CEACAM3: variants seen among roughly 807,000 people sequenced by gnomAD.
CEACAM3 encodes CEA cell adhesion molecule 3.
CEACAM3 carries 32 observed loss-of-function variants against 30.1 expected under a neutral mutation model. That is an observed-to-expected ratio of 1.06 (90% CI 0.80 to 1.43). CEACAM3 has a LOEUF of 1.43. CEACAM3 is among the 40% of genes most tolerant of loss of function. The pLI, the probability that CEACAM3 is intolerant of heterozygous loss-of-function variation, is 0.00. For missense variants in CEACAM3, 290 were observed against 316.3 expected, an observed-to-expected ratio of 0.92 and a Z score of 0.63; for synonymous variants, 134 against 127.2, an observed-to-expected ratio of 1.05 and a Z score of -0.36.
In CEACAM3 at chr19:41,810,365, C is replaced by A. The variant is rs1555827439; in HGVS notation, c.627+11C>A. 4 of 1,595,352 alleles carry A rather than the reference C, an allele frequency of 2.5e-6. No homozygotes were observed. The highest frequency in any genetic ancestry group is 2.6e-6 in the Non-Finnish European group (3 of 1,171,340). ...AGCTCTGCCTTCTCGGTAAGCCTGT[C>A]CCCTTCCAGCCCCTTTCTACTGGGG... On this transcript the variant is annotated intron_variant, in intron 5 of 6. Transcript: ENST00000357396.
At chr19:41,810,940 G>C in intron 6 of CEACAM3, 43 bp downstream of exon 6, 1 of 1,564,518 alleles carries the variant, frequency 6.4e-7, no homozygotes, top group Admixed American at 1.8e-5. Context: ...AGGCCCCAGG[G>C]GACCCAGGAT....
At chr19:41,797,543 C>A in intron 1 of CEACAM3, 46 bp from the exon 2 acceptor site, 1 of 1,574,270 alleles carries the variant, frequency 6.4e-7, no homozygotes, top group Non-Finnish European at 8.6e-7. Context: ...ATCTTTCCAT[C>A]CCAATACATG....
In CEACAM3 at chr19:41,810,847, A is replaced by G; in HGVS notation, c.643A>G (p.Thr215Ala). 6.2e-7 allele frequency: 1 copy of G among 1,612,790 alleles called. No individual in the cohort carries two copies. Among genetic ancestry groups the G allele is most frequent in the Non-Finnish European group, 8.5e-7 (1 of 1,179,428 alleles). The change falls in exon 6 of 7, where the codon ACT becomes GCT. Residue 215 changes from threonine (T) to alanine (A), a missense_variant. Transcript: ENST00000357396. ...CTGTCCACAGATGTCCCCTCTCTCC[A>G]CTGCCCAGGCCCCCCTACCCAACCC... is the stretch of plus-strand genomic sequence containing the variant. ...SSAFSMSPLSTAQAPLPNPRT... is the reference protein window; with the variant it reads ...SSAFSMSPLSAAQAPLPNPRT...
At chr19:41,809,765 C>T (rs3795022) in intron 3 of CEACAM3, 200 bp from the exon 4 acceptor site, 320,576 of 562,626 alleles carry the variant, frequency 0.57, 96,512 homozygotes, top group Middle Eastern at 0.74. Context: ...GGGTCCTTCC[C>T]CTCTGCTCAG....
rs782059364 is a variant in CEACAM3, at chr19:41,797,947, C to T, written c.423C>T (p.Tyr141=). The T allele has an allele frequency of 1.9e-6, 3 of 1,593,708 alleles. No individual in the cohort carries two copies. Among genetic ancestry groups the T allele is most frequent in the East Asian group, 4.5e-5 (2 of 44,774 alleles). The change falls in exon 2 of 7, where the codon TAC becomes TAT. Residue 141 remains tyrosine (Y), a splice_region_variant and synonymous_variant. Coordinates refer to ENST00000357396, the MANE Select transcript of CEACAM3 (RefSeq NM_001815.5). Reference sequence around the variant, plus strand: ...AAGCAACTGGACAGTTCCATGTATACCGTGAGTATTTCCACATGACCTCTG... The same window carrying T: ...AAGCAACTGGACAGTTCCATGTATATCGTGAGTATTTCCACATGACCTCTG... ...NEEATGQFHV[Y]QENAPGLPVG... is the part of the protein sequence containing the mutation.
intron 2 of CEACAM3, among the ~76,000 whole-genome samples, chr19:41,800,943 C>T (rs1197861040): frequency 6.6e-6 from 1 of 152,062 alleles, no homozygotes; most frequent in African/African-American, 2.4e-5. Context: ...TACACTCTCT[C>T]GTCTCCGCAC....
intron 1 of CEACAM3, 34 bp downstream of exon 1, chr19:41,796,775 A>G (rs376612840): frequency 7.4e-5 from 118 of 1,595,008 alleles, no homozygotes; most frequent in Non-Finnish European, 9.9e-5. Context: ...GGGCAAGAGG[A>G]GGGATCACAG....
Position 41,810,496 on chromosome 19 carries a change from G to A in CEACAM3, c.627+142G>A, listed in dbSNP as rs2073240593. 4.8e-6 allele frequency: 5 copies of A among 1,032,924 alleles called. No individual in the cohort carries two copies. The South Asian group carries it at 5.6e-5, about 12-fold the overall frequency. The allele number at this position is 1,032,924 out of a possible 1,614,324, so 64.0% of individuals were successfully genotyped here. A position where few individuals can be genotyped will look rare whatever the true frequency, so the allele number is the denominator to read the frequency against. ...GACAAGGCTAGCCCTGCCCTGGCCA[G>A]GAGCTGGGCCTCCCTACAGGGTCAG... On this transcript the variant is annotated intron_variant, in intron 5 of 6. Transcript: ENST00000357396.
rs1365737181 is a variant in CEACAM3, at chr19:41,810,412, G to A, written c.627+58G>A. The A allele has an allele frequency of 3.9e-6, 6 of 1,536,206 alleles. No individual in the cohort carries two copies. In the African/African-American group the frequency reaches 4.1e-5, roughly 10 times the overall value. ...GGGGTCCCAGCTGTGCAGGCTCTGG[G>A]CAGAGGGACCATCAGCCCCCCAGCA... is the stretch of plus-strand genomic sequence containing the variant. On this transcript the variant is annotated intron_variant, in intron 5 of 6. Transcript: ENST00000357396.
intron 4 of CEACAM3, 106 bp from the exon 5 acceptor site, chr19:41,810,217 A>G: frequency 6.9e-7 from 1 of 1,444,556 alleles, no homozygotes; most frequent in Non-Finnish European, 9.6e-7. Context: ...CACCTCCCCA[A>G]CCTCAGCTGC....
chr19:41,797,695 T>C lies in CEACAM3; in HGVS notation c.171T>C (p.Asn57=). Residue 57 remains asparagine, a synonymous_variant, in exon 2 of 7, where the codon AAT becomes AAC. Transcript: ENST00000357396. ...EGKEVLLLVH[N]LPQHLFGYSW... is the part of the protein sequence containing the mutation. Reference sequence around the variant, plus strand: ...AGGAGGTGCTTCTACTTGTCCACAATCTGCCCCAGCATCTTTTTGGCTACA... The same window carrying C: ...AGGAGGTGCTTCTACTTGTCCACAACCTGCCCCAGCATCTTTTTGGCTACA... 3 of 1,614,086 alleles carry C rather than the reference T, an allele frequency of 1.9e-6. No homozygotes were observed. The highest frequency in any genetic ancestry group is 2.5e-6 in the Non-Finnish European group (3 of 1,179,996).
intron 2 of CEACAM3, among the ~76,000 whole-genome samples, chr19:41,801,994 C>T (rs1555826053): frequency 6.6e-6 from 1 of 152,152 alleles, no homozygotes; most frequent in African/African-American, 2.4e-5. Flanking sequence ...TTAAACTATA[C>T]ACTGAATTTT....
At chr19:41,796,818 C>A in intron 1 of CEACAM3, 77 bp downstream of exon 1, 1 of 1,479,916 alleles carries the variant, frequency 6.8e-7, no homozygotes, top group Non-Finnish European at 9.1e-7. Context: ...GAGGATGGGG[C>A]TCTGATAGGG....
In CEACAM3 at chr19:41,808,130, A is replaced by T. The variant is rs145722249; in HGVS notation, c.425-683A>T. The stretch of plus-strand genomic sequence containing the variant: ...ATTTCCCAGCCCATGTCTTGGACAC[A>T]AGCAAATCCCAAACTCTACCCTGAG... On this transcript the variant is annotated intron_variant, in intron 2 of 6. Transcript: ENST00000357396. Among the ~76,000 whole-genome samples, 546 of 152,218 alleles carry T rather than the reference A, an allele frequency of 3.6e-3. 9 individuals are homozygous for T. Among genetic ancestry groups the T allele is most frequent in the African/African-American group, 0.012 (517 of 41,514 alleles).
rs1568737711 is a variant in CEACAM3 at position 41,797,816 on chromosome 19, CGA to C, written c.297_298del (p.Glu99AspfsTer17). On this transcript the variant is annotated frameshift_variant, in exon 2 of 7. Transcript: ENST00000357396. LOFTEE classifies it high-confidence loss of function. ...TACCCCAGGGGCCGCATACAGCGGT[CGA>C]GAGACAATATACACCAATGCATCCC... Reference protein sequence around the residue: ...QATPGAAYSGRETIYTNASLL... With the variant: ...QATPGAAYSGXETIYTNASLL... 6.2e-7 allele frequency: 1 copy of C among 1,612,776 alleles called. No homozygotes were observed. The highest frequency in any genetic ancestry group is 2.2e-5 in the East Asian group (1 of 44,884).
chr19:41,797,945 T>C lies in CEACAM3; in HGVS notation c.421T>C (p.Tyr141His). 1 of 1,594,790 alleles carries C rather than the reference T, an allele frequency of 6.3e-7. No individual in the cohort carries two copies. Among genetic ancestry groups the C allele is most frequent in the Non-Finnish European group, 8.5e-7 (1 of 1,170,034 alleles). The change falls in exon 2 of 7, where the codon TAC becomes CAC. Residue 141 changes from tyrosine (Y) to histidine (H), a missense_variant. By Grantham distance (83) the Tyr-to-His change is moderately conservative. Transcript: ENST00000357396. The part of the protein sequence containing the change: ...NEEATGQFHV[Y>H]QENAPGLPVG... ...AGAAGCAACTGGACAGTTCCATGTATACCGTGAGTATTTCCACATGACCTC... is the reference window on the plus strand; with the variant it reads ...AGAAGCAACTGGACAGTTCCATGTACACCGTGAGTATTTCCACATGACCTC...
rs374796334 is a variant in CEACAM3 at position 41,808,893 on chromosome 19, G to T, written c.505G>T (p.Ala169Ser). ...CCTGGTCGGAGTGGCGCTGGTGGCC[G>T]CGCTGGTGTGTTTCCTGCTCCTTGC... ...GVLVGVALVA[A>S]LVCFLLLAKT... The change falls in exon 3 of 7, where the codon GCG becomes TCG. Residue 169 changes from alanine (A) to serine (S), a missense_variant. Physicochemically the swap from Ala to Ser is moderately conservative, Grantham distance 99 (BLOSUM62 1). Coordinates refer to ENST00000357396, the MANE Select transcript of CEACAM3 (RefSeq NM_001815.5). The T allele has an allele frequency of 3.1e-6, 5 of 1,606,674 alleles. No individual in the cohort carries two copies. The highest frequency in any genetic ancestry group is 4.2e-6 in the Non-Finnish European group (5 of 1,176,584).
rs947786499 is a variant in CEACAM3, at chr19:41,808,823, C to T, written c.435C>T (p.Ala145=). 1 of 1,613,038 alleles carries T rather than the reference C, an allele frequency of 6.2e-7. No individual in the cohort carries two copies. Among genetic ancestry groups the T allele is most frequent in the Non-Finnish European group, 8.5e-7 (1 of 1,179,386 alleles). Residue 145 remains alanine, a synonymous_variant, in exon 3 of 7, where the codon GCC becomes GCT. Transcript: ENST00000357396. ...TTCTTCTTTCTGCAGAAGAAAATGC[C>T]CCAGGCCTTCCTGTGGGGGCCGTCG... is the stretch of plus-strand genomic sequence containing the variant. ...TGQFHVYQEN[A]PGLPVGAVAG...
At chr19:41,804,415 G>A (rs983664825) in intron 2 of CEACAM3, among the ~76,000 whole-genome samples, 7 of 152,284 alleles carry the variant, frequency 4.6e-5, no homozygotes, top group Non-Finnish European at 4.4e-5. Context: ...TTCCTGAGGC[G>A]TAAAGAAAAG....
Sources: allele counts gnomAD v4.1 joint callset (sites outside exome capture counted in the v4.1 genomes callset), GRCh38; gene constraint gnomAD v4.1.1; transcripts MANE v1.5; gene names NCBI Gene and HGNC (gene_info 2026-07-23, HGNC 2026-07-21).